Variants in COL5A1 observed in about 807,000 individuals in gnomAD.
COL5A1 encodes the protein collagen type V alpha 1 chain, also known as collagen alpha-1(V) chain.
A neutral mutation model predicts 263.7 loss-of-function variants in COL5A1; 16 were observed. The observed-to-expected ratio is 0.06, with a 90% CI of 0.04 to 0.09. The LOEUF (loss-of-function observed/expected upper bound fraction) is 0.09. Ranked by LOEUF, COL5A1 falls within the 10% of genes least tolerant of loss-of-function variation. COL5A1 has a pLI of 1.00. For synonymous variants in COL5A1, 1,012 were observed against 1,004.5 expected (o/e 1.01, Z -0.14); for missense variants, 2,036 against 2,540.5 (o/e 0.80, Z 4.27).
chr9:134,802,074 C>T (rs1838135633), intron 38 of COL5A1, 67 bp downstream of exon 38: 2 of 1,479,090 alleles, frequency 1.4e-6, no homozygotes, highest in African/African-American at 1.4e-5. Context: ...AAGAGGGTCC[C>T]AGCCCGGGCA....
At chr9:134,762,076 G>A in intron 19 of COL5A1, 98 bp downstream of exon 19, 1 of 1,301,034 alleles carries the variant, frequency 7.7e-7, no homozygotes, top group Non-Finnish European at 1.1e-6. Context: ...TGTGGGATTG[G>A]CCTGCCGCAT....
chr9:134,807,802 A>T (rs1838350487), intron 42 of COL5A1, among the ~76,000 whole-genome samples: 1 of 152,246 alleles, frequency 6.6e-6, no homozygotes, highest in Non-Finnish European at 1.5e-5. Context: ...ATTCTGTGCC[A>T]GAAAACTGAA....
chr9:134,681,674 G>A lies in COL5A1; in HGVS notation c.110-9238G>A, dbSNP rs1458890824. ...AGCCTGCGAGTGACCATGCTCACCT[G>A]CCCTGTACCTCGATTCCTCTTTCCC... is the stretch of plus-strand genomic sequence containing the variant. On this transcript the variant is annotated intron_variant, in intron 1 of 65. Transcript: ENST00000371817. This position sits in a 1 kb window ranked among gnomAD's most constrained non-coding sequence, Gnocchi z 4.3. Among the ~76,000 whole-genome samples, 1 of 152,170 alleles carries A rather than the reference G, an allele frequency of 6.6e-6. No individual in the cohort carries two copies. The highest frequency in any genetic ancestry group is 2.4e-5 in the African/African-American group (1 of 41,430).
At chr9:134,698,184 A>T (rs939774389) in intron 2 of COL5A1, among the ~76,000 whole-genome samples, 1 of 152,232 alleles carries the variant, frequency 6.6e-6, no homozygotes, top group Non-Finnish European at 1.5e-5. Context: ...CCTTTCCCAG[A>T]TGGCCACACT....
Position 134,784,975 on chromosome 9 carries a change from T to C in COL5A1, c.2485-14T>C, listed in dbSNP as rs375081488. 1.4e-5 allele frequency: 22 copies of C among 1,588,176 alleles called. No individual in the cohort carries two copies. The African/African-American group carries it at 2.2e-4, about 16-fold the overall frequency. ...GGGGGGTGGTCTTCTCACCTCCTCTTTTCTGGCTTGCAGGGGGAGATCGGC... is the reference window on the plus strand; with the variant it reads ...GGGGGGTGGTCTTCTCACCTCCTCTCTTCTGGCTTGCAGGGGGAGATCGGC... On this transcript the variant is annotated splice_polypyrimidine_tract_variant and intron_variant, in intron 29 of 65. Transcript: ENST00000371817.
chr9:134,829,043 G>A (rs1480665709), intron 63 of COL5A1, among the ~76,000 whole-genome samples: 1 of 152,170 alleles, frequency 6.6e-6, no homozygotes, highest in Non-Finnish European at 1.5e-5. Context: ...GCCAGGCAAG[G>A]CTGTGAGGAT....
In COL5A1 at chr9:134,765,091, C is replaced by T. The variant is rs904674008; in HGVS notation, c.2035-590C>T. ...AGGGGAGGTTCTGCACGAGCCTCGC[C>T]GACCGGAGAGGGCGTGCCAGCTCTT... is the stretch of plus-strand genomic sequence containing the variant. On this transcript the variant is annotated intron_variant, in intron 20 of 65. Coordinates refer to ENST00000371817, the MANE Select transcript of COL5A1 (RefSeq NM_000093.5). This position sits in a 1 kb window ranked among gnomAD's most constrained non-coding sequence, Gnocchi z 5.1. 2.6e-5 allele frequency among the ~76,000 whole-genome samples: 4 copies of T among 152,164 alleles called. No homozygotes were observed. Among genetic ancestry groups the T allele is most frequent in the South Asian group, 2.1e-4 (1 of 4,814 alleles).
At chr9:134,705,783 T>C (rs544923319) in intron 4 of COL5A1, among the ~76,000 whole-genome samples, 1 of 152,296 alleles carries the variant, frequency 6.6e-6, no homozygotes, top group South Asian at 2.1e-4. Context: ...GGCACTGTCA[T>C]GAGCTGTCCC....
At chr9:134,776,900 G>A (rs1260312270) in intron 27 of COL5A1, among the ~76,000 whole-genome samples, 1 of 152,192 alleles carries the variant, frequency 6.6e-6, no homozygotes, top group East Asian at 1.9e-4. Flanking sequence ...GCAGAAGAGG[G>A]GGGACGAGCA....
At chr9:134,815,890 G>C in intron 51 of COL5A1, 45 bp from the exon 52 acceptor site, 1 of 1,609,742 alleles carries the variant, frequency 6.2e-7, no homozygotes, top group Non-Finnish European at 8.5e-7. Flanking sequence ...ATGAACTCAG[G>C]GTGCCATCCG....
rs143250986 is a variant in COL5A1 at position 134,690,765 on chromosome 9, G to A, written c.110-147G>A. The stretch of plus-strand genomic sequence containing the variant: ...TGGTGCCCTGCCTCGCCCAGCACGC[G>A]GCTCTAAGCTGGTCCTGGGGCTCTT... On this transcript the variant is annotated intron_variant, in intron 1 of 65. Transcript: ENST00000371817. The A allele has an allele frequency of 4.9e-5, 47 of 955,856 alleles. No individual in the cohort carries two copies. The East Asian group carries it at 8.0e-4, about 16-fold the overall frequency. 59.2% of individuals were successfully genotyped at this position (955,856 alleles called of 1,614,324 possible). A position where few individuals can be genotyped will look rare whatever the true frequency, so the allele number is the denominator to read the frequency against.
intron 5 of COL5A1, 90 bp downstream of exon 5, chr9:134,727,487 T>C: frequency 6.9e-7 from 1 of 1,441,978 alleles, no homozygotes; most frequent in East Asian, 2.3e-5. Flanking sequence ...GGACCCTTAT[T>C]TTAAATAAAT....
intron 32 of COL5A1, among the ~76,000 whole-genome samples, chr9:134,791,258 A>G (rs114362863): frequency 6.6e-6 from 1 of 151,988 alleles, no homozygotes; most frequent in Non-Finnish European, 1.5e-5. Context: ...GGCTGGTGGC[A>G]CAACCCACAA....
intron 2 of COL5A1, chr9:134,691,571 G>A (rs1172085968): frequency 1.8e-5 from 3 of 168,216 alleles, no homozygotes; most frequent in Non-Finnish European, 3.9e-5. Context: ...GCTAAATGCC[G>A]GGTCTCTGCT....
chr9:134,755,134 C>T lies in COL5A1; in HGVS notation c.1827+808C>T, dbSNP rs777872484. 2.0e-4 allele frequency among the ~76,000 whole-genome samples: 31 copies of T among 152,026 alleles called. No homozygotes were observed. Among genetic ancestry groups the T allele is most frequent in the East Asian group, 1.5e-3 (8 of 5,180 alleles). On this transcript the variant is annotated intron_variant, in intron 16 of 65. Transcript: ENST00000371817. The surrounding 1 kb of genome is among the most constrained non-coding windows in gnomAD (Gnocchi z 4.1). Reference sequence around the variant, plus strand: ...CCGATAAGCCGCAGTTTGGCAGGTCCGAGGGTCTATGCAGGGATCTGGGCA... The same window carrying T: ...CCGATAAGCCGCAGTTTGGCAGGTCTGAGGGTCTATGCAGGGATCTGGGCA...
rs1204120484 is a variant in COL5A1, at chr9:134,652,551, T to C, written c.109+10255T>C. On this transcript the variant is annotated intron_variant, in intron 1 of 65. Transcript: ENST00000371817. This position sits in a 1 kb window ranked among gnomAD's most constrained non-coding sequence, Gnocchi z 4.4. Reference sequence around the variant, plus strand: ...TGTTTTCTGATTGTCGCACCTGGGGTGGGGGCAGGGCTATCGGCCTGTAGT... The same window carrying C: ...TGTTTTCTGATTGTCGCACCTGGGGCGGGGGCAGGGCTATCGGCCTGTAGT... Among the ~76,000 whole-genome samples the C allele has an allele frequency of 6.6e-6, 1 of 151,840 alleles. No homozygotes were observed. The highest frequency in any genetic ancestry group is 1.5e-5 in the Non-Finnish European group (1 of 67,940).
At chr9:134,753,720 G>A (rs1018871135) in intron 14 of COL5A1, 130 bp from the exon 15 acceptor site, 14 of 714,804 alleles carry the variant, frequency 2.0e-5, no homozygotes, top group African/African-American at 1.4e-4. Flanking sequence ...GACAGGTCGC[G>A]CTTTGTGTGC....
Position 134,678,962 on chromosome 9 carries a change from A to G in COL5A1, c.110-11950A>G, listed in dbSNP as rs1832755399. 6.6e-6 allele frequency among the ~76,000 whole-genome samples: 1 copy of G among 152,162 alleles called. No homozygotes were observed. The highest frequency in any genetic ancestry group is 2.4e-5 in the African/African-American group (1 of 41,436). On this transcript the variant is annotated intron_variant, in intron 1 of 65. Coordinates refer to ENST00000371817, the MANE Select transcript of COL5A1 (RefSeq NM_000093.5). This position sits in a 1 kb window ranked among gnomAD's most constrained non-coding sequence, Gnocchi z 5.5. ...CTCCGAGGCTTGCTGGGTCAGTCCC[A>G]TTCAGTGGCTCTGTGTTGGGGTCAC... is the stretch of plus-strand genomic sequence containing the variant.
At chr9:134,774,473 G>A (rs528638667) in intron 26 of COL5A1, among the ~76,000 whole-genome samples, 21 of 152,210 alleles carry the variant, frequency 1.4e-4, no homozygotes, top group African/African-American at 2.9e-4. Context: ...TCTCCCAGCC[G>A]GAAGCTCTCC....
Sources: gnomAD v4.1 joint callset for allele counts (sites outside exome capture counted in the v4.1 genomes callset) on GRCh38, gnomAD v4.1.1 for gene constraint, Gnocchi (gnomAD v3.1) non-coding constraint, MANE v1.5 for transcripts, NCBI Gene and HGNC (gene_info 2026-07-23, HGNC 2026-07-21) for gene names.